ZSWIM6: variants seen among roughly 807,000 people sequenced by gnomAD.
The protein encoded by ZSWIM6 is zinc finger SWIM domain-containing protein 6.
A neutral mutation model predicts 113.2 loss-of-function variants in ZSWIM6; 9 were observed. The ratio of observed to expected loss-of-function variants is 0.08; its 90% CI spans 0.05 to 0.14. The LOEUF (loss-of-function observed/expected upper bound fraction) is 0.14, where lower values mean the gene tolerates loss of function less well. Ranked by LOEUF, ZSWIM6 falls within the 10% of genes least tolerant of loss-of-function variation. The pLI is 1.00. For missense variants in ZSWIM6, 1,162 were observed against 1,552.2 expected, an observed-to-expected ratio of 0.75 and a Z score of 4.22; for synonymous variants, 611 against 606.5, an observed-to-expected ratio of 1.01 and a Z score of -0.11.
chr5:61,529,653 T>C (rs1749377440), intron 7 of ZSWIM6, among the ~76,000 whole-genome samples: 2 of 152,234 alleles, frequency 1.3e-5, no homozygotes, highest in Non-Finnish European at 1.5e-5. Flanking sequence ...CTTAGTCCTC[T>C]CTAATGCCCC....
intron 1 of ZSWIM6, among the ~76,000 whole-genome samples, chr5:61,356,573 C>G (rs762600804): frequency 2.0e-5 from 3 of 149,746 alleles, no homozygotes; most frequent in Admixed American, 6.7e-5. Context: ...TTCCTTTGGA[C>G]TTGGCTGTGA....
At chr5:61,434,464 G>T (rs1746659761) in intron 1 of ZSWIM6, among the ~76,000 whole-genome samples, 1 of 145,618 alleles carries the variant, frequency 6.9e-6, no homozygotes, top group Admixed American at 7.0e-5. Flanking sequence ...TTTCCCCCAC[G>T]AGTCCTCAAA....
chr5:61,408,837 C>T (rs952095103), intron 1 of ZSWIM6, among the ~76,000 whole-genome samples: 1 of 152,192 alleles, frequency 6.6e-6, no homozygotes, highest in African/African-American at 2.4e-5. Flanking sequence ...GCCGCGGTCG[C>T]CAGCTGACGT....
intron 1 of ZSWIM6, among the ~76,000 whole-genome samples, chr5:61,356,338 C>T (rs1350174440): frequency 1.3e-5 from 2 of 152,088 alleles, no homozygotes; most frequent in Non-Finnish European, 2.9e-5. Context: ...GCAGAAGAAC[C>T]ATCTGCCAAT....
chr5:61,476,334 G>A (rs529862482), intron 2 of ZSWIM6, among the ~76,000 whole-genome samples: 83 of 152,234 alleles, frequency 5.5e-4, no homozygotes, highest in African/African-American at 1.9e-3. Context: ...GCAATAGTGT[G>A]TAGATAAAGA....
intron 1 of ZSWIM6, among the ~76,000 whole-genome samples, chr5:61,373,106 T>C (rs1745300630): frequency 1.3e-5 from 2 of 152,136 alleles, no homozygotes; most frequent in South Asian, 4.1e-4. Flanking sequence ...CATTTACGTT[T>C]AAAAAATTTT....
rs1308122305 is a variant in ZSWIM6 at position 61,476,046 on chromosome 5, T to C, written c.1033+3009T>C. On this transcript the variant is annotated intron_variant, in intron 2 of 13. Coordinates refer to ENST00000252744, the MANE Select transcript of ZSWIM6 (RefSeq NM_020928.2). Reference sequence around the variant, plus strand: ...TAAGATATGATTTAGACTTGATTAGTTGGCATCATAAAGACAAGATTTAGC... The same window carrying C: ...TAAGATATGATTTAGACTTGATTAGCTGGCATCATAAAGACAAGATTTAGC... Among the ~76,000 whole-genome samples the C allele has an allele frequency of 2.0e-5, 3 of 152,224 alleles. 1 individual carries two copies. The highest frequency in any genetic ancestry group is 2.0e-4 in the Admixed American group (3 of 15,276).
chr5:61,527,521 T>A (rs1403265065), intron 7 of ZSWIM6, among the ~76,000 whole-genome samples: 1 of 152,126 alleles, frequency 6.6e-6, no homozygotes, highest in Non-Finnish European at 1.5e-5. Flanking sequence ...TCAGATGGGA[T>A]TGGAATGTGA....
At chr5:61,435,636 G>C (rs930089623) in intron 1 of ZSWIM6, among the ~76,000 whole-genome samples, 4 of 152,174 alleles carry the variant, frequency 2.6e-5, no homozygotes, top group Non-Finnish European at 4.4e-5. Flanking sequence ...ATGTGGTTTT[G>C]CTTTAAATCA....
At chr5:61,516,119 A>G (rs927457646) in intron 4 of ZSWIM6, among the ~76,000 whole-genome samples, 2 of 151,538 alleles carry the variant, frequency 1.3e-5, no homozygotes, top group Non-Finnish European at 2.9e-5. Flanking sequence ...TGATTTGACC[A>G]TTTCTTTTAA....
chr5:61,517,171 G>A (rs1256889465), intron 4 of ZSWIM6, among the ~76,000 whole-genome samples: 1 of 151,998 alleles, frequency 6.6e-6, no homozygotes, highest in Non-Finnish European at 1.5e-5. Flanking sequence ...GGATCTGTAA[G>A]TTCATATCTT....
At chr5:61,356,720 A>G (rs1438376157) in intron 1 of ZSWIM6, among the ~76,000 whole-genome samples, 1 of 99,186 alleles carries the variant, frequency 1.0e-5, no homozygotes, top group Non-Finnish European at 2.0e-5. Context: ...AATATATATA[A>G]CATAATATAT....
intron 1 of ZSWIM6, among the ~76,000 whole-genome samples, chr5:61,384,362 C>T (rs1745550974): frequency 6.6e-6 from 1 of 151,746 alleles, no homozygotes; most frequent in African/African-American, 2.4e-5. Flanking sequence ...GCTCTTTGAT[C>T]TTTGCTGGTA....
intron 1 of ZSWIM6, among the ~76,000 whole-genome samples, chr5:61,466,549 G>C (rs1315211003): frequency 1.3e-5 from 2 of 152,228 alleles, no homozygotes; most frequent in East Asian, 3.9e-4. Flanking sequence ...TATGTTACTT[G>C]GGTGCCTTGT....
At chr5:61,377,317 G>T (rs1408456803) in intron 1 of ZSWIM6, among the ~76,000 whole-genome samples, 3 of 150,494 alleles carry the variant, frequency 2.0e-5, no homozygotes, top group Non-Finnish European at 4.4e-5. Flanking sequence ...AGTCACAAAA[G>T]AAATAGAACT....
chr5:61,472,782 G>A lies in ZSWIM6; in HGVS notation c.778G>A (p.Val260Met), dbSNP rs1228404037. Residue 260 changes from valine (V) to methionine (M), a missense_variant, in exon 2 of 14, where the codon GTG becomes ATG. Val to Met is a conservative substitution (Grantham distance 21, BLOSUM62 1). Around this residue, in one of 4 missense-constraint regions of ZSWIM6, gnomAD observed 96 missense variants for 240.3 expected, o/e 0.40. Coordinates refer to ENST00000252744, the MANE Select transcript of ZSWIM6 (RefSeq NM_020928.2). The surrounding 1 kb of genome is among the most constrained non-coding windows in gnomAD (Gnocchi z 4.1). The part of the protein sequence containing the change: ...ISFDRCKITS[V>M]TCSCGNKDIF... Reference sequence around the variant, plus strand: ...CTTTGATCGTTGCAAGATTACCTCAGTGACCTGCAGCTGTGGAAACAAGGA... The same window carrying A: ...CTTTGATCGTTGCAAGATTACCTCAATGACCTGCAGCTGTGGAAACAAGGA... 1 of 1,551,756 alleles carries A rather than the reference G, an allele frequency of 6.4e-7. No homozygotes were observed.
In ZSWIM6 at chr5:61,358,820, CTT is replaced by C. The variant is rs1744973443; in HGVS notation, c.676+25875_676+25876del. ...GCTATAGAGCAGTGCTTCCCAGTCT[CTT>C]TTACCTCATAGCACACAGAAAATAA... On this transcript the variant is annotated intron_variant, in intron 1 of 13. Coordinates refer to ENST00000252744, the MANE Select transcript of ZSWIM6 (RefSeq NM_020928.2). 2.6e-5 allele frequency among the ~76,000 whole-genome samples: 4 copies of C among 152,296 alleles called. No individual in the cohort carries two copies. In the South Asian group the frequency reaches 8.3e-4, roughly 32 times the overall value.
At chr5:61,374,799 C>A (rs1745336117) in intron 1 of ZSWIM6, among the ~76,000 whole-genome samples, 1 of 152,100 alleles carries the variant, frequency 6.6e-6, no homozygotes, top group Non-Finnish European at 1.5e-5. Flanking sequence ...TCATGATCCG[C>A]CCGCCTCGGC....
intron 1 of ZSWIM6, among the ~76,000 whole-genome samples, chr5:61,366,067 G>A (rs913931271): frequency 6.6e-6 from 1 of 151,998 alleles, no homozygotes; most frequent in African/African-American, 2.4e-5. Context: ...GCTAATTTTT[G>A]TATTTTTAAT....
Sources: allele counts gnomAD v4.1 joint callset (sites outside exome capture counted in the v4.1 genomes callset), GRCh38; gene constraint gnomAD v4.1.1; regional missense constraint gnomAD v4.1.1; non-coding constraint Gnocchi (gnomAD v3.1); transcripts MANE v1.5; gene names NCBI Gene and HGNC (gene_info 2026-07-23, HGNC 2026-07-21).